Variants in HDHD2 observed in about 807,000 individuals in gnomAD.
HDHD2 encodes haloacid dehalogenase-like hydrolase domain-containing protein 2.
In HDHD2, 26 loss-of-function variants were observed where a neutral mutation model predicts 24.8. That is an observed-to-expected ratio of 1.05 (90% CI 0.77 to 1.45). The LOEUF is 1.45. HDHD2 is among the 40% of genes most tolerant of loss of function. The pLI, the probability that HDHD2 is intolerant of heterozygous loss-of-function variation, is 0.00. For synonymous variants in HDHD2, 128 were observed against 114.9 expected (o/e 1.11, Z -0.73); for missense variants, 299 against 313.4 (o/e 0.95, Z 0.35).
chr18:47,147,483 C>A (rs778635701), intron 1 of HDHD2, among the ~76,000 whole-genome samples: 1 of 152,138 alleles, frequency 6.6e-6, no homozygotes, highest in Admixed American at 6.6e-5. Flanking sequence ...TTGAAGTACA[C>A]TACAAAAGAA....
chr18:47,132,755 G>A (rs1414214178), intron 3 of HDHD2, among the ~76,000 whole-genome samples: 1 of 152,186 alleles, frequency 6.6e-6, no homozygotes, highest in South Asian at 2.1e-4. Context: ...AAGAAGCAAT[G>A]TGGCAAAGCT....
At chr18:47,142,696 T>C (rs2063831016) in intron 1 of HDHD2, among the ~76,000 whole-genome samples, 1 of 152,134 alleles carries the variant, frequency 6.6e-6, no homozygotes, top group Non-Finnish European at 1.5e-5. Context: ...AATATTTAAG[T>C]AATGAACAAA....
At chr18:47,127,717 A>C (rs1356301494) in intron 4 of HDHD2, among the ~76,000 whole-genome samples, 1 of 151,944 alleles carries the variant, frequency 6.6e-6, no homozygotes, top group African/African-American at 2.4e-5. Flanking sequence ...TCTCAAAAAA[A>C]AAAAAAAAAA....
chr18:47,148,872 G>C (rs1250033534), intron 1 of HDHD2, among the ~76,000 whole-genome samples: 1 of 152,174 alleles, frequency 6.6e-6, no homozygotes, highest in East Asian at 1.9e-4. Flanking sequence ...ACAGTGCAGT[G>C]GTTAAGGACA....
rs1464843202 is a variant in HDHD2 at position 47,111,507 on chromosome 18, T to C, written c.676+1470A>G. ...GCAGGAATCTGAAAACAAAGATACA[T>C]GGAGGCTGACGAGTGTGGCTACTTT... On this transcript the variant is annotated intron_variant, in intron 6 of 6. Coordinates refer to ENST00000300605, the MANE Select transcript of HDHD2 (RefSeq NM_032124.5). The C allele has an allele frequency of 4.1e-6, 4 of 985,166 alleles. No individual in the cohort carries two copies. The East Asian group carries it at 3.4e-4, about 84-fold the overall frequency. 61.0% of individuals were successfully genotyped at this position (985,166 alleles called of 1,614,324 possible).
At chr18:47,133,164 G>T (rs373094672) in intron 3 of HDHD2, among the ~76,000 whole-genome samples, 1 of 138,544 alleles carries the variant, frequency 7.2e-6, no homozygotes, top group Non-Finnish European at 1.5e-5. Flanking sequence ...CCCCACAACA[G>T]GCCCCAGTGT....
chr18:47,124,401 GACATAAC>G (rs2063636494), intron 4 of HDHD2, among the ~76,000 whole-genome samples: 1 of 152,110 alleles, frequency 6.6e-6, no homozygotes, highest in Admixed American at 6.5e-5. Flanking sequence ...AGTCTTGTAA[GACATAAC>G]ACATTAAGAA....
At chr18:47,128,048 A>C (rs964562891) in intron 4 of HDHD2, among the ~76,000 whole-genome samples, 1 of 102,472 alleles carries the variant, frequency 9.8e-6, no homozygotes, top group African/African-American at 3.4e-5. Context: ...GGAAACATCA[A>C]TATGCAAAAA....
At chr18:47,149,088 T>C (rs977806638) in intron 1 of HDHD2, 1 of 152,028 alleles carries the variant, frequency 6.6e-6, no homozygotes, top group Non-Finnish European at 1.5e-5. Flanking sequence ...CAGAGAAAGG[T>C]TGGGTTATGT....
intron 1 of HDHD2, among the ~76,000 whole-genome samples, chr18:47,140,375 A>G (rs989232686): frequency 2.0e-5 from 3 of 152,238 alleles, no homozygotes; most frequent in African/African-American, 7.2e-5. Context: ...ATATCTACAT[A>G]AATGGCTTGC....
intron 2 of HDHD2, among the ~76,000 whole-genome samples, chr18:47,135,267 T>C (rs2063754420): frequency 6.7e-6 from 1 of 150,110 alleles, no homozygotes; most frequent in Non-Finnish European, 1.5e-5. Flanking sequence ...TCTTTTTTTT[T>C]TTTTTTTTTT....
chr18:47,126,094 C>T (rs911388407), intron 4 of HDHD2, among the ~76,000 whole-genome samples: 2 of 152,166 alleles, frequency 1.3e-5, no homozygotes, highest in Non-Finnish European at 2.9e-5. Flanking sequence ...ATCTCAAGTT[C>T]TGAAGTCTTA....
rs1401375150 is a variant in HDHD2 at position 47,134,599 on chromosome 18, T to C, written c.207A>G (p.Glu69=). Residue 69 remains glutamate (E), a synonymous_variant, in exon 3 of 7, where the codon GAA becomes GAG. Coordinates refer to ENST00000300605, the MANE Select transcript of HDHD2 (RefSeq NM_032124.5). ...RLRKLEFDIS[E]DEIFTSLTAA... ...CAGTCAGAGATGTGAATATTTCATC[T>C]TCAGAGATATCAAATTCCAATTTTC... 1 of 1,614,136 alleles carries C rather than the reference T, an allele frequency of 6.2e-7. No homozygotes were observed. Among genetic ancestry groups the C allele is most frequent in the East Asian group, 2.2e-5 (1 of 44,878 alleles).
intron 5 of HDHD2, among the ~76,000 whole-genome samples, chr18:47,114,865 T>C (rs943524265): frequency 1.3e-5 from 2 of 151,306 alleles, no homozygotes; most frequent in Non-Finnish European, 1.5e-5. Flanking sequence ...ATATATATTA[T>C]AGGAGTTAAC....
chr18:47,110,851 T>C, intron 6 of HDHD2: 1 of 985,238 alleles, frequency 1.0e-6, no homozygotes, highest in African/African-American at 1.7e-5. Context: ...AAATTCTGGT[T>C]AGGACTAGTC....
chr18:47,129,696 T>C (rs534124353), intron 4 of HDHD2, among the ~76,000 whole-genome samples: 2 of 152,380 alleles, frequency 1.3e-5, no homozygotes, highest in African/African-American at 2.4e-5. Context: ...ATCGCATTTA[T>C]TGTTTTTGGT....
At chr18:47,148,040 G>A (rs1006104101) in intron 1 of HDHD2, among the ~76,000 whole-genome samples, 4 of 148,486 alleles carry the variant, frequency 2.7e-5, no homozygotes, top group African/African-American at 7.5e-5. Context: ...CTAGGCTGGA[G>A]TGCAGTGGCA....
intron 1 of HDHD2, chr18:47,149,132 A>G (rs1267229858): frequency 6.6e-6 from 1 of 152,200 alleles, no homozygotes; most frequent in East Asian, 1.9e-4. Context: ...GCAAGGAGGG[A>G]ACATTATGGA....
At chr18:47,128,498 G>A (rs1356694505) in intron 4 of HDHD2, among the ~76,000 whole-genome samples, 1 of 152,146 alleles carries the variant, frequency 6.6e-6, no homozygotes. Context: ...CTCAACCAAA[G>A]GCCAAAGTAG....
Sources: allele counts gnomAD v4.1 joint callset (sites outside exome capture counted in the v4.1 genomes callset), GRCh38; gene constraint gnomAD v4.1.1; transcripts MANE v1.5; gene names NCBI Gene and HGNC (gene_info 2026-07-23, HGNC 2026-07-21).